Variants in SOX6 observed in about 807,000 individuals in gnomAD.
The protein encoded by SOX6 is SRY-box transcription factor 6.
Under a neutral mutation model 97.8 loss-of-function variants are expected in SOX6, and 11 were observed. The observed-to-expected ratio is 0.11, with a 90% CI of 0.07 to 0.19. The LOEUF (loss-of-function observed/expected upper bound fraction) is 0.19. SOX6 is among the 10% of genes least tolerant of loss of function. SOX6 has a pLI of 1.00. For synonymous variants in SOX6, 360 were observed against 371.4 expected (o/e 0.97, Z 0.35); for missense variants, 810 against 1,039.5 (o/e 0.78, Z 3.04).
intron 1 of SOX6, among the ~76,000 whole-genome samples, chr11:16,408,249 G>A (rs551099411): frequency 6.6e-5 from 10 of 152,304 alleles, no homozygotes; most frequent in African/African-American, 2.4e-4. Context: ...CTGAAAGGAA[G>A]CAGCTTACGT....
At chr11:15,990,221 T>C (rs1185237960) in intron 13 of SOX6, among the ~76,000 whole-genome samples, 14 of 152,078 alleles carry the variant, frequency 9.2e-5, no homozygotes, top group Admixed American at 9.2e-4. Flanking sequence ...GTACTTATTC[T>C]TGTATCCTCA....
At chr11:16,272,451 AAC>A (rs1446127755) in intron 3 of SOX6, among the ~76,000 whole-genome samples, 4 of 151,892 alleles carry the variant, frequency 2.6e-5, no homozygotes, top group African/African-American at 7.2e-5. Context: ...AGCAAAAATA[AAC>A]AGTCTCAAAA....
At chr11:16,569,944 C>A (rs6486297) in intron 4 of SOX6, among the ~76,000 whole-genome samples, 150,801 of 151,234 alleles carry the variant, frequency 1, 75,186 homozygotes, top group Middle Eastern at 1. Flanking sequence ...TTCTAAATGC[C>A]TTTCCTTCAT....
At chr11:16,028,962 A>G (rs1855283711) in intron 12 of SOX6, among the ~76,000 whole-genome samples, 1 of 152,222 alleles carries the variant, frequency 6.6e-6, no homozygotes, top group Admixed American at 6.5e-5. Context: ...AAGGCTCGTC[A>G]TCTTCACATT....
At chr11:16,232,201 C>T (rs796592867) in intron 4 of SOX6, among the ~76,000 whole-genome samples, 9 of 151,878 alleles carry the variant, frequency 5.9e-5, no homozygotes, top group African/African-American at 1.9e-4. Context: ...TAATAACTGG[C>T]CTGGTTTCCA....
intron 4 of SOX6, among the ~76,000 whole-genome samples, chr11:16,585,761 C>T (rs1448687571): frequency 2.7e-5 from 4 of 147,776 alleles, no homozygotes; most frequent in Non-Finnish European, 5.9e-5. Context: ...CGGTTTGCCA[C>T]AGCCAGGACC....
intron 4 of SOX6, among the ~76,000 whole-genome samples, chr11:16,222,741 T>G (rs1010164553): frequency 3.3e-5 from 5 of 152,132 alleles, no homozygotes; most frequent in Non-Finnish European, 5.9e-5. Flanking sequence ...GATGTGTTGT[T>G]GCCTACTGTA....
Position 16,579,853 on chromosome 11 carries a change from T to C in SOX6, n.609+32228A>G, listed in dbSNP as rs117987003. 5.7e-3 allele frequency among the ~76,000 whole-genome samples: 873 copies of C among 152,280 alleles called. 6 individuals are homozygous for C. The highest frequency in any genetic ancestry group is 0.011 in the Non-Finnish European group (746 of 67,992). On this transcript the variant is annotated intron_variant and non_coding_transcript_variant, in intron 4 of 5. Transcript: ENST00000524520. Reference sequence around the variant, plus strand: ...CACAGAACAGGCACATGTTTAACTTTAGTAAATACTGCCAGATAGTTTTCA... The same window carrying C: ...CACAGAACAGGCACATGTTTAACTTCAGTAAATACTGCCAGATAGTTTTCA...
At chr11:16,734,888 G>A (rs1848380253) in intron 2 of SOX6, among the ~76,000 whole-genome samples, 1 of 152,126 alleles carries the variant, frequency 6.6e-6, no homozygotes. Flanking sequence ...TTTTGTTGTG[G>A]TGGGCTAATC....
chr11:16,539,769 AG>A (rs1861373219), intron 4 of SOX6, among the ~76,000 whole-genome samples: 1 of 152,222 alleles, frequency 6.6e-6, no homozygotes, highest in South Asian at 2.1e-4. Flanking sequence ...ACACTAAACC[AG>A]GAAGAAGTTG....
chr11:16,710,899 A>G (rs1848174427), intron 3 of SOX6, among the ~76,000 whole-genome samples: 1 of 152,190 alleles, frequency 6.6e-6, no homozygotes, highest in South Asian at 2.1e-4. Flanking sequence ...CATGATGCCT[A>G]CCCACCCAAA....
chr11:16,118,362 GGGT>G, intron 6 of SOX6, among the ~76,000 whole-genome samples: 1 of 152,232 alleles, frequency 6.6e-6, no homozygotes, highest in Non-Finnish European at 1.5e-5. Flanking sequence ...TTAATTGCTA[GGGT>G]ATTCCTCACA....
At chr11:16,665,964 G>A (rs965477734) in intron 3 of SOX6, among the ~76,000 whole-genome samples, 1 of 152,228 alleles carries the variant, frequency 6.6e-6, no homozygotes, top group Non-Finnish European at 1.5e-5. Context: ...GTCTGCAAGA[G>A]CCACAGTATT....
At chr11:16,325,656 G>T (rs549625222) in intron 2 of SOX6, among the ~76,000 whole-genome samples, 25 of 152,084 alleles carry the variant, frequency 1.6e-4, no homozygotes, top group African/African-American at 6.0e-4. Context: ...ACAGTTGCAG[G>T]ATCTCAAATA....
chr11:16,450,121 C>T (rs1859691219), intron 1 of SOX6, among the ~76,000 whole-genome samples: 2 of 152,118 alleles, frequency 1.3e-5, no homozygotes, highest in African/African-American at 4.8e-5. Flanking sequence ...ACAAATAGAC[C>T]CCTGCGCAAA....
chr11:16,543,978 G>GT (rs1263744618), intron 4 of SOX6, among the ~76,000 whole-genome samples: 2 of 152,166 alleles, frequency 1.3e-5, no homozygotes, highest in Non-Finnish European at 2.9e-5. Context: ...AAGGATGTCT[G>GT]TTGACAGGTG....
chr11:16,329,446 C>T (rs2134321096), intron 2 of SOX6, among the ~76,000 whole-genome samples: 1 of 152,270 alleles, frequency 6.6e-6, no homozygotes, highest in East Asian at 1.9e-4. Flanking sequence ...ATTGTTCAAT[C>T]CCATCTAGCA....
chr11:16,326,707 G>T (rs1856104510), intron 2 of SOX6, among the ~76,000 whole-genome samples: 1 of 152,058 alleles, frequency 6.6e-6, no homozygotes, highest in Non-Finnish European at 1.5e-5. Flanking sequence ...TGTTGTATAA[G>T]AAATCATCCA....
intron 12 of SOX6, among the ~76,000 whole-genome samples, chr11:16,043,280 C>G (rs886976443): frequency 2.6e-5 from 4 of 152,092 alleles, no homozygotes; most frequent in Non-Finnish European, 4.4e-5. Flanking sequence ...TGGAAAGCTA[C>G]AACCCAGGGC....
Sources: gnomAD v4.1 joint callset for allele counts (sites outside exome capture counted in the v4.1 genomes callset) on GRCh38, gnomAD v4.1.1 for gene constraint, MANE v1.5 for transcripts, NCBI Gene and HGNC (gene_info 2026-07-23, HGNC 2026-07-21) for gene names.